The following DISC1 variants were observed in gnomAD, a reference collection of about 807,000 sequenced individuals.
DISC1 encodes the protein disrupted in schizophrenia 1 protein.
Under a neutral mutation model 84.5 loss-of-function variants are expected in DISC1, and 57 were observed. The observed-to-expected ratio is 0.67, with a 90% CI of 0.55 to 0.84. The LOEUF (loss-of-function observed/expected upper bound fraction) is 0.84. Ranked by LOEUF, DISC1 falls within the 40% of genes least tolerant of loss-of-function variation. The probability of loss-of-function intolerance (pLI) is 0.00; values close to 1 mark genes in which losing one functional copy is unlikely to be tolerated. For missense variants in DISC1, 1,000 were observed against 1,057.8 expected (o/e 0.95, Z 0.76); for synonymous variants, 411 against 415.2 (o/e 0.99, Z 0.12).
chr1:231,880,712 T>C (rs751479218), intron 9 of DISC1, among the ~76,000 whole-genome samples: 20 of 151,204 alleles, frequency 1.3e-4, no homozygotes, highest in Non-Finnish European at 2.8e-4. Context: ...CCCAAGTTGT[T>C]CTGGGTTGGA....
chr1:231,984,879 G>A (rs953492115), intron 10 of DISC1, among the ~76,000 whole-genome samples: 1 of 152,108 alleles, frequency 6.6e-6, no homozygotes, highest in Non-Finnish European at 1.5e-5. Context: ...TGAACTGAAC[G>A]GGGTTTGAGG....
At chr1:231,842,254 G>A (rs1250592830) in intron 9 of DISC1, among the ~76,000 whole-genome samples, 3 of 152,130 alleles carry the variant, frequency 2.0e-5, no homozygotes, top group African/African-American at 4.8e-5. Context: ...CCTCTCACCA[G>A]TCCTCTCACC....
intron 9 of DISC1, among the ~76,000 whole-genome samples, chr1:231,957,509 G>A (rs1245297356): frequency 6.6e-6 from 1 of 152,086 alleles, no homozygotes; most frequent in East Asian, 1.9e-4. Flanking sequence ...TCTGTCCACT[G>A]AGCTATCTCA....
rs573751611 is a variant in DISC1 at position 231,877,868 on chromosome 1, A to G, written c.1981+59351A>G. Among the ~76,000 whole-genome samples, 3 of 152,388 alleles carry G rather than the reference A, an allele frequency of 2.0e-5. No individual in the cohort carries two copies. In the East Asian group the frequency reaches 5.8e-4, roughly 29 times the overall value. On this transcript the variant is annotated intron_variant, in intron 9 of 12. Transcript: ENST00000439617. ...TCGACTGAACAGATGAAAATAAAAAATGACTTAATAGCTAAATTCAAAGAT... is the reference window on the plus strand; with the variant it reads ...TCGACTGAACAGATGAAAATAAAAAGTGACTTAATAGCTAAATTCAAAGAT...
intron 6 of DISC1, among the ~76,000 whole-genome samples, chr1:231,777,665 G>C (rs1261349408): frequency 6.6e-6 from 1 of 152,264 alleles, no homozygotes; most frequent in East Asian, 1.9e-4. Flanking sequence ...CCCTGCATAG[G>C]CGACATCTGC....
rs568241521 is a variant in DISC1, at chr1:231,746,187, C to A, written c.1118-3739C>A. On this transcript the variant is annotated intron_variant, in intron 3 of 12. Coordinates refer to ENST00000439617, the MANE Select transcript of DISC1 (RefSeq NM_018662.3). ...TTAAGCAAACTCATTTTAGCTTCCA[C>A]ATATGAGTGAAAACATGTTTAACTT... is the stretch of plus-strand genomic sequence containing the variant. 2.6e-5 allele frequency among the ~76,000 whole-genome samples: 4 copies of A among 152,334 alleles called. No individual in the cohort carries two copies. The South Asian group carries it at 8.3e-4, about 32-fold the overall frequency.
At chr1:231,944,752 C>G (rs961091274) in intron 9 of DISC1, among the ~76,000 whole-genome samples, 4 of 152,160 alleles carry the variant, frequency 2.6e-5, no homozygotes, top group Non-Finnish European at 4.4e-5. Flanking sequence ...CCTAAGCTGG[C>G]AAAGAGGCTT....
intron 9 of DISC1, among the ~76,000 whole-genome samples, chr1:231,867,578 G>A (rs924875274): frequency 6.6e-6 from 1 of 152,116 alleles, no homozygotes; most frequent in African/African-American, 2.4e-5. Flanking sequence ...ACCCTCCTGA[G>A]TGTGCAAGAC....
intron 5 of DISC1, among the ~76,000 whole-genome samples, chr1:231,769,318 A>G (rs2076386069): frequency 6.6e-6 from 1 of 152,208 alleles, no homozygotes; most frequent in Non-Finnish European, 1.5e-5. Context: ...ATGTTTACAC[A>G]CCCATGTTCA....
rs1330812498 is a variant in DISC1 at position 231,843,473 on chromosome 1, C to T, written c.1981+24956C>T. On this transcript the variant is annotated intron_variant, in intron 9 of 12. Transcript: ENST00000439617. ...TGCATTGGGGGGATGAAAAAAAGGCCACACTGGGTCCAGCTGCAGAATGGA... is the reference window on the plus strand; with the variant it reads ...TGCATTGGGGGGATGAAAAAAAGGCTACACTGGGTCCAGCTGCAGAATGGA... 5.9e-5 allele frequency among the ~76,000 whole-genome samples: 9 copies of T among 152,124 alleles called. No homozygotes were observed. The East Asian group carries it at 1.5e-3, about 26-fold the overall frequency.
chr1:232,015,287 CT>C (rs1668376401), intron 11 of DISC1, among the ~76,000 whole-genome samples: 1 of 151,986 alleles, frequency 6.6e-6, no homozygotes, highest in African/African-American at 2.4e-5. Context: ...CACGGTGGCC[CT>C]TTTTCCACTA....
chr1:231,858,206 A>G lies in DISC1; in HGVS notation c.1981+39689A>G, dbSNP rs187444342. On this transcript the variant is annotated intron_variant, in intron 9 of 12. Coordinates refer to ENST00000439617, the MANE Select transcript of DISC1 (RefSeq NM_018662.3). ...ACTGAATTTCTTGTCTTGTCTTCCA[A>G]GACATTAAGTCAGGGCTTATTTATA... Among the ~76,000 whole-genome samples the G allele has an allele frequency of 3.3e-5, 5 of 152,340 alleles. No individual in the cohort carries two copies. In the East Asian group the frequency reaches 9.6e-4, roughly 29 times the overall value.
chr1:231,662,496 C>T (rs1000319570), intron 1 of DISC1, among the ~76,000 whole-genome samples: 6 of 152,136 alleles, frequency 3.9e-5, no homozygotes, highest in Non-Finnish European at 5.9e-5. Flanking sequence ...AGGAATGAAT[C>T]GGGGTCCCAC....
intron 1 of DISC1, among the ~76,000 whole-genome samples, chr1:231,669,615 A>G (rs1252396806): frequency 6.6e-6 from 1 of 152,216 alleles, no homozygotes; most frequent in Non-Finnish European, 1.5e-5. Flanking sequence ...CAACAATCAT[A>G]TGAAAAAAGC....
intron 11 of DISC1, among the ~76,000 whole-genome samples, chr1:232,023,684 A>G (rs1470736904): frequency 6.6e-6 from 1 of 152,186 alleles, no homozygotes; most frequent in Non-Finnish European, 1.5e-5. Context: ...CTCTGATTTC[A>G]TATTTGTTGT....
At chr1:231,827,692 G>C (rs1398126400) in intron 9 of DISC1, among the ~76,000 whole-genome samples, 1 of 152,208 alleles carries the variant, frequency 6.6e-6, no homozygotes, top group Non-Finnish European at 1.5e-5. Context: ...TGAGGAGCTA[G>C]TGTTTGCTGC....
chr1:232,027,422 C>G (rs1326894869), intron 12 of DISC1, among the ~76,000 whole-genome samples: 1 of 152,170 alleles, frequency 6.6e-6, no homozygotes, highest in Non-Finnish European at 1.5e-5. Context: ...GGTGTCACAC[C>G]TACAAACACC....
chr1:231,627,937 G>C (rs927850204), intron 1 of DISC1, among the ~76,000 whole-genome samples: 4 of 152,122 alleles, frequency 2.6e-5, no homozygotes. Flanking sequence ...TGTCAATCCT[G>C]GACATGCAGG....
Position 231,694,712 on chromosome 1 carries a change from C to A in DISC1, c.954C>A (p.Ser318Arg). 2 of 1,614,186 alleles carry A rather than the reference C, an allele frequency of 1.2e-6. No individual in the cohort carries two copies. The highest frequency in any genetic ancestry group is 1.7e-6 in the Non-Finnish European group (2 of 1,180,038). ...SLAGCGGDGS[S>R]GSGDAHSWDT... ...CTGGCTGTGGTGGTGATGGGAGCAG[C>A]GGCTCAGGGGATGCCCACTCTTGGG... The change falls in exon 2 of 13, where the codon AGC becomes AGA. Residue 318 changes from serine to arginine, a missense_variant. Transcript: ENST00000439617.
Sources: gnomAD v4.1 joint callset for allele counts (sites outside exome capture counted in the v4.1 genomes callset) on GRCh38, gnomAD v4.1.1 for gene constraint, MANE v1.5 for transcripts, NCBI Gene and HGNC (gene_info 2026-07-23, HGNC 2026-07-21) for gene names.